Variants in ZNF555 observed in about 807,000 individuals in gnomAD.
ZNF555 encodes the protein zinc finger protein 555.
In ZNF555, 10 loss-of-function variants were observed where a neutral mutation model predicts 14.0. The observed-to-expected ratio is 0.72, with a 90% confidence interval of 0.44 to 1.21. The LOEUF is 1.21. Among genes scored for constraint, ZNF555 ranks in the 50% most tolerant of loss-of-function variants. ZNF555 has a pLI of 0.00. For synonymous variants in ZNF555, 277 were observed against 262.4 expected (o/e 1.06, Z -0.54); for missense variants, 747 against 762.0 (o/e 0.98, Z 0.23).
Position 2,852,973 on chromosome 19 carries a change from T to C in ZNF555, c.908T>C (p.Met303Thr), listed in dbSNP as rs781474506. The C allele has an allele frequency of 6.2e-7, 1 of 1,614,220 alleles. No individual in the cohort carries two copies. The highest frequency in any genetic ancestry group is 1.7e-5 in the Admixed American group (1 of 60,032). Residue 303 changes from methionine (M) to threonine (T), a missense_variant, in exon 4 of 4, where the codon ATG becomes ACG. Coordinates refer to ENST00000334241, the MANE Select transcript of ZNF555 (RefSeq NM_152791.5). ...TATTCCTCAACTTTTCGAAGACATA[T>C]GATTTCACACACTGGAGAGAAGCCA... Reference protein sequence around the residue: ...FSYSSTFRRHMISHTGEKPHK... With the variant: ...FSYSSTFRRHTISHTGEKPHK...
Position 2,853,883 on chromosome 19 carries a change from C to T in ZNF555, c.1818C>T (p.Cys606=). 1 of 1,614,022 alleles carries T rather than the reference C, an allele frequency of 6.2e-7. No individual in the cohort carries two copies. Residue 606 remains cysteine (C), a synonymous_variant, in exon 4 of 4, where the codon TGC becomes TGT. Coordinates refer to ENST00000334241, the MANE Select transcript of ZNF555 (RefSeq NM_152791.5). Reference sequence around the variant, plus strand: ...ATCCTCCTGCAAATGAATTCATGTGCAGTGCTTCAGAAAAGTCACACCAGG... The same window carrying T: ...ATCCTCCTGCAAATGAATTCATGTGTAGTGCTTCAGAAAAGTCACACCAGG... ...VGHPPANEFM[C]SASEKSHQER...
rs11444865 is a variant in ZNF555, at chr19:2,860,020, C to CA, written c.*6076dup. 121,269 of 151,736 alleles carry CA rather than the reference C, an allele frequency of 0.8. 49,332 individuals carry two copies. Among genetic ancestry groups the CA allele is most frequent in the East Asian group, 1 (5,159 of 5,166 alleles). The allele number at this position is 151,736 out of a possible 1,614,324, so 9.4% of individuals were successfully genotyped here. On this transcript the variant is annotated 3_prime_UTR_variant, in exon 4 of 4. Coordinates refer to ENST00000334241, the MANE Select transcript of ZNF555 (RefSeq NM_152791.5). The stretch of plus-strand genomic sequence containing the variant: ...AGGGGCCCAAAACAAAGCAAACAAA[C>CA]AAAAAAAAGGAATGCAAGTCAAGTA...
chr19:2,846,190 C>T (rs897649514), intron 1 of ZNF555, among the ~76,000 whole-genome samples: 3 of 152,182 alleles, frequency 2.0e-5, no homozygotes, highest in African/African-American at 7.2e-5. Flanking sequence ...AGTTCATTGA[C>T]CTCTCCAGTA....
At position 2,857,569 on chromosome 19, in the gene ZNF555, A is replaced by C. The variant is rs1168748078; in HGVS notation, c.*3617A>C. ...CATATGGGCTTAAGAGTGTTCTGTCATGATTGTAGTGGTGAAAACAAGCAT... is the reference window on the plus strand; with the variant it reads ...CATATGGGCTTAAGAGTGTTCTGTCCTGATTGTAGTGGTGAAAACAAGCAT... On this transcript the variant is annotated 3_prime_UTR_variant, in exon 4 of 4. Coordinates refer to ENST00000334241, the MANE Select transcript of ZNF555 (RefSeq NM_152791.5). 6.6e-6 allele frequency: 1 copy of C among 152,222 alleles called. No individual in the cohort carries two copies. The allele number at this position is 152,222 out of a possible 1,614,324, so 9.4% of individuals were successfully genotyped here.
intron 1 of ZNF555, 66 bp downstream of exon 1, chr19:2,841,641 G>T: frequency 7.0e-7 from 1 of 1,438,010 alleles, no homozygotes; most frequent in Non-Finnish European, 9.2e-7. Context: ...CCGAGACCGC[G>T]GCTTGGGGGG....
chr19:2,848,920 A>G (rs1197372845), intron 1 of ZNF555, among the ~76,000 whole-genome samples: 2 of 152,200 alleles, frequency 1.3e-5, no homozygotes, highest in Non-Finnish European at 2.9e-5. Flanking sequence ...GTTCCCAGAC[A>G]CCAGCTAAGG....
Position 2,841,518 on chromosome 19 carries a change from G to A in ZNF555, c.-55G>A, listed in dbSNP as rs2087535235. ...CCGCCTGCCCCTAGCGGTCCCTGGC[G>A]TCCCGGTTCCTGTCGCGCTCACCTG... On this transcript the variant is annotated 5_prime_UTR_variant, in exon 1 of 4. Coordinates refer to ENST00000334241, the MANE Select transcript of ZNF555 (RefSeq NM_152791.5). 1 of 1,545,320 alleles carries A rather than the reference G, an allele frequency of 6.5e-7. No homozygotes were observed. Among genetic ancestry groups the A allele is most frequent in the Non-Finnish European group, 8.7e-7 (1 of 1,144,470 alleles).
At chr19:2,847,287 T>G (rs1296309194) in intron 1 of ZNF555, 1 of 152,236 alleles carries the variant, frequency 6.6e-6, no homozygotes, top group Non-Finnish European at 1.5e-5. Flanking sequence ...ATCTTCCACG[T>G]GGCCACCTTC....
At chr19:2,842,041 C>T (rs2079014612) in intron 1 of ZNF555, among the ~76,000 whole-genome samples, 1 of 151,954 alleles carries the variant, frequency 6.6e-6, no homozygotes, top group Admixed American at 6.6e-5. Flanking sequence ...GGGTGCGGGT[C>T]CCTGGTCGGT....
At position 2,856,330 on chromosome 19, in the gene ZNF555, G is replaced by C. The variant is rs1051664951; in HGVS notation, c.*2378G>C. 2.6e-5 allele frequency: 4 copies of C among 151,770 alleles called. No homozygotes were observed. Among genetic ancestry groups the C allele is most frequent in the African/African-American group, 9.7e-5 (4 of 41,264 alleles). 9.4% of individuals were successfully genotyped at this position (151,770 alleles called of 1,614,324 possible). On this transcript the variant is annotated 3_prime_UTR_variant, in exon 4 of 4. Transcript: ENST00000334241. ...GTTGATTCTCCTGCCTCAGCCTCCC[G>C]AGTAGTTGGGATTACAGGCATGCAC... is the stretch of plus-strand genomic sequence containing the variant.
At chr19:2,847,093 TAAAAA>T (rs1201702079) in intron 1 of ZNF555, 3 of 152,142 alleles carry the variant, frequency 2.0e-5, no homozygotes, top group Non-Finnish European at 4.4e-5. Context: ...GTCTGTCACT[TAAAAA>T]AACAAAACAA....
At position 2,841,513 on chromosome 19, in the gene ZNF555, C is replaced by T. The variant is rs2144838918; in HGVS notation, c.-60C>T. The stretch of plus-strand genomic sequence containing the variant: ...GTGCCCCGCCTGCCCCTAGCGGTCC[C>T]TGGCGTCCCGGTTCCTGTCGCGCTC... On this transcript the variant is annotated 5_prime_UTR_variant, in exon 1 of 4. Coordinates refer to ENST00000334241, the MANE Select transcript of ZNF555 (RefSeq NM_152791.5). 6.5e-7 allele frequency: 1 copy of T among 1,545,610 alleles called. No individual in the cohort carries two copies.
rs2144855965 is a variant in ZNF555 at position 2,852,890 on chromosome 19, A to C, written c.825A>C (p.Thr275=). The C allele has an allele frequency of 6.2e-7, 1 of 1,614,206 alleles. No homozygotes were observed. The highest frequency in any genetic ancestry group is 2.2e-5 in the East Asian group (1 of 44,882). ...ATTCCTCAACGTTTCGAAGACACAC[A>C]ATAACACACACTGGCGAGAAGCCAT... ...FSYSSTFRRH[T]ITHTGEKPYK... is the part of the protein sequence containing the mutation. The change falls in exon 4 of 4, where the codon ACA becomes ACC. Residue 275 remains threonine (T), a synonymous_variant. Transcript: ENST00000334241.
Position 2,852,380 on chromosome 19 carries a change from T to G in ZNF555, c.315T>G (p.Ser105Arg). Reference sequence around the variant, plus strand: ...CCAATAACATGCTTCTCATTTTTAGTAGAAATCATGGGTTGGAGAGACTCT... The same window carrying G: ...CCAATAACATGCTTCTCATTTTTAGGAGAAATCATGGGTTGGAGAGACTCT... ...DQTTNQGRNLSRNHGLERLCE... is the reference protein window; with the variant it reads ...DQTTNQGRNLRRNHGLERLCE... Residue 105 changes from serine to arginine, a missense_variant and splice_region_variant, in exon 4 of 4, where the codon AGT becomes AGG. By Grantham distance (110) the Ser-to-Arg change is moderately radical (BLOSUM62 -1). Transcript: ENST00000334241. 3.1e-6 allele frequency: 5 copies of G among 1,613,936 alleles called. No individual in the cohort carries two copies. Among genetic ancestry groups the G allele is most frequent in the Non-Finnish European group, 4.2e-6 (5 of 1,179,994 alleles).
rs758167213 is a variant in ZNF555, at chr19:2,853,181, G to C, written c.1116G>C (p.Gln372His). The C allele has an allele frequency of 6.2e-7, 1 of 1,613,540 alleles. No individual in the cohort carries two copies. Among genetic ancestry groups the C allele is most frequent in the Non-Finnish European group, 8.5e-7 (1 of 1,179,828 alleles). ...GAGAGAAACCCTACGAATGCAAACA[G>C]TGTGGGAAGACCTTCATTTATCCCC... ...HTGEKPYECK[Q>H]CGKTFIYPQS... Residue 372 changes from glutamine (Q) to histidine (H), a missense_variant, in exon 4 of 4, where the codon CAG becomes CAC. Physicochemically the swap from Gln to His is conservative, Grantham distance 24. Coordinates refer to ENST00000334241, the MANE Select transcript of ZNF555 (RefSeq NM_152791.5).
Position 2,851,584 on chromosome 19 carries a change from G to A in ZNF555, c.247G>A (p.Val83Ile). 6.2e-7 allele frequency: 1 copy of A among 1,611,328 alleles called. No homozygotes were observed. Among genetic ancestry groups the A allele is most frequent in the Non-Finnish European group, 8.5e-7 (1 of 1,179,292 alleles). The change falls in exon 3 of 4, where the codon GTT becomes ATT. Residue 83 changes from valine to isoleucine, a missense_variant. Coordinates refer to ENST00000334241, the MANE Select transcript of ZNF555 (RefSeq NM_152791.5). ...CACCAGAAATGTTTCCTGGGCCTCT[G>A]TTTTAGGAAAAATTTGGGACAGTCT... is the stretch of plus-strand genomic sequence containing the variant. ...TFTRNVSWAS[V>I]LGKIWDSLSI...
intron 1 of ZNF555, among the ~76,000 whole-genome samples, chr19:2,841,939 C>T (rs1017343616): frequency 6.6e-6 from 1 of 151,752 alleles, no homozygotes; most frequent in Admixed American, 6.6e-5. Context: ...TCGGGACCCC[C>T]GGGCCGCGGG....
chr19:2,853,586 CTA>C lies in ZNF555; in HGVS notation c.1524_1525del (p.Tyr508Ter), dbSNP rs1368190307. On this transcript the variant is annotated frameshift_variant, in exon 4 of 4. Coordinates refer to ENST00000334241, the MANE Select transcript of ZNF555 (RefSeq NM_152791.5). LOFTEE classifies it low-confidence loss of function (END_TRUNC). ...HMRRHTAEKLYKCKQCGKAFS... is the reference protein window; with the variant it reads ...HMRRHTAEKLXKCKQCGKAFS... ...TGAGAAGACATACCGCAGAGAAACT[CTA>C]TAAATGCAAGCAGTGTGGGAAAGCT... 1.2e-6 allele frequency: 2 copies of C among 1,609,272 alleles called. No homozygotes were observed. The highest frequency in any genetic ancestry group is 3.4e-5 in the Admixed American group (2 of 59,540).
intron 1 of ZNF555, among the ~76,000 whole-genome samples, chr19:2,846,580 G>T (rs940934833): frequency 6.6e-6 from 1 of 152,226 alleles, no homozygotes; most frequent in African/African-American, 2.4e-5. Flanking sequence ...TGAGTTAGCA[G>T]TGGACATAGT....
Sources: allele counts gnomAD v4.1 joint callset (sites outside exome capture counted in the v4.1 genomes callset), GRCh38; gene constraint gnomAD v4.1.1; transcripts MANE v1.5; gene names NCBI Gene and HGNC (gene_info 2026-07-23, HGNC 2026-07-21).